The following CIT variants were observed in gnomAD, a reference collection of about 807,000 sequenced individuals.
The protein encoded by CIT is citron Rho-interacting kinase.
Under a neutral mutation model 272.7 loss-of-function variants are expected in CIT, and 79 were observed. The ratio of observed to expected loss-of-function variants is 0.29; its 90% CI spans 0.24 to 0.35. CIT has a LOEUF of 0.35. CIT is among the 10% of genes least tolerant of loss of function. The pLI is 1.00. For missense variants in CIT, 1,909 were observed against 2,618.3 expected (o/e 0.73, Z 5.91); for synonymous variants, 948 against 995.6 (o/e 0.95, Z 0.90).
chr12:119,842,688 G>A (rs1261134828), intron 5 of CIT, among the ~76,000 whole-genome samples: 1 of 152,082 alleles, frequency 6.6e-6, no homozygotes, highest in Non-Finnish European at 1.5e-5. Context: ...CCACAAATGG[G>A]AAATTTTTAA....
intron 10 of CIT, among the ~76,000 whole-genome samples, chr12:119,795,986 T>G (rs1431532677): frequency 3.9e-5 from 6 of 152,236 alleles, no homozygotes; most frequent in African/African-American, 1.4e-4. Flanking sequence ...TCAACAAATG[T>G]TCATTGAAGA....
At chr12:119,782,780 G>T in intron 12 of CIT, 143 bp from the exon 13 acceptor site, 1 of 990,438 alleles carries the variant, frequency 1.0e-6, no homozygotes, top group Non-Finnish European at 1.4e-6. Flanking sequence ...CCAGTTGGTT[G>T]CCGACTCCGG....
At chr12:119,740,944 T>A (rs1167183483) in intron 24 of CIT, among the ~76,000 whole-genome samples, 1 of 151,978 alleles carries the variant, frequency 6.6e-6, no homozygotes, top group Non-Finnish European at 1.5e-5. Context: ...GTCAGTTCCC[T>A]ACTAAAGTCA....
In CIT at chr12:119,767,186, G is replaced by C. The variant is rs1195207477; in HGVS notation, c.2209-4C>G. The C allele has an allele frequency of 1.9e-6, 3 of 1,604,622 alleles. No individual in the cohort carries two copies. The African/African-American group carries it at 4.0e-5, about 21-fold the overall frequency. On this transcript the variant is annotated splice_region_variant and splice_polypyrimidine_tract_variant and intron_variant, in intron 18 of 47. Transcript: ENST00000392521. ...CCCGATGTTTCTCTTCGAGCTCCTA[G>C]ACACAAAAGAAAAGACAGTCAGGTG...
At chr12:119,844,896 G>A (rs567958878) in intron 5 of CIT, among the ~76,000 whole-genome samples, 213 of 152,154 alleles carry the variant, frequency 1.4e-3, no homozygotes, top group African/African-American at 4.8e-3. Context: ...TGAAGCAGGC[G>A]GATCATGAGG....
intron 7 of CIT, among the ~76,000 whole-genome samples, chr12:119,825,792 G>A (rs1457007684): frequency 1.3e-5 from 2 of 152,240 alleles, no homozygotes; most frequent in African/African-American, 2.4e-5. Context: ...AGTTGGCCAG[G>A]TGCAGTGGCC....
At position 119,847,088 on chromosome 12, in the gene CIT, C is replaced by T. The variant is rs148255189; in HGVS notation, c.516+3086G>A. Among the ~76,000 whole-genome samples the T allele has an allele frequency of 6.0e-3, 911 of 152,040 alleles. 10 individuals carry two copies. The highest frequency in any genetic ancestry group is 0.02 in the African/African-American group (844 of 41,502). On this transcript the variant is annotated intron_variant, in intron 5 of 47. Coordinates refer to ENST00000392521, the MANE Select transcript of CIT (RefSeq NM_001206999.2). ...CAAGCTCCGCCTCCCAGGTTCACAC[C>T]GTTCTCCTCCCTCAGCCTCCCGAGT...
chr12:119,735,002 T>C (rs1958674769), intron 25 of CIT, among the ~76,000 whole-genome samples, 158 bp downstream of exon 25: 1 of 152,104 alleles, frequency 6.6e-6, no homozygotes, highest in South Asian at 2.1e-4. Flanking sequence ...AAATACATTT[T>C]TAAAACCCTA....
chr12:119,721,268 T>C (rs1565940188), intron 29 of CIT, 41 bp downstream of exon 29: 2 of 1,568,750 alleles, frequency 1.3e-6, no homozygotes, highest in Non-Finnish European at 8.7e-7. Flanking sequence ...CGCCCAGCCG[T>C]GCAGACCATT....
At chr12:119,744,449 G>T (rs778147334) in intron 23 of CIT, among the ~76,000 whole-genome samples, 6 of 151,376 alleles carry the variant, frequency 4.0e-5, no homozygotes, top group Non-Finnish European at 8.8e-5. Flanking sequence ...GAGGCCAGGC[G>T]CAGTGGCTCA....
chr12:119,737,624 G>T (rs1185624300), intron 24 of CIT, among the ~76,000 whole-genome samples: 1 of 152,092 alleles, frequency 6.6e-6, no homozygotes, highest in African/African-American at 2.4e-5. Context: ...GGAATAAGAA[G>T]GGTCTTTCTA....
intron 33 of CIT, 144 bp downstream of exon 33, chr12:119,714,053 A>G: frequency 1.1e-6 from 1 of 930,476 alleles, no homozygotes; most frequent in Non-Finnish European, 1.6e-6. Flanking sequence ...CAACAGGGGA[A>G]AAATAGCATC....
intron 24 of CIT, among the ~76,000 whole-genome samples, chr12:119,736,730 C>A (rs1958783206): frequency 6.6e-6 from 1 of 152,196 alleles, no homozygotes; most frequent in Non-Finnish European, 1.5e-5. Context: ...CCTGCCTTTC[C>A]CTTTCTGTGG....
chr12:119,731,330 G>C (rs1294257909), intron 26 of CIT, among the ~76,000 whole-genome samples: 1 of 151,450 alleles, frequency 6.6e-6, no homozygotes. Flanking sequence ...CAAAAAATTA[G>C]CCAGGCATAG....
chr12:119,790,100 C>T (rs1391033862), intron 10 of CIT, among the ~76,000 whole-genome samples: 1 of 152,076 alleles, frequency 6.6e-6, no homozygotes, highest in Non-Finnish European at 1.5e-5. Context: ...ATTATGCTAA[C>T]ATTGACCATA....
intron 23 of CIT, among the ~76,000 whole-genome samples, chr12:119,744,483 G>A (rs1000948361): frequency 1.3e-5 from 2 of 151,790 alleles, no homozygotes; most frequent in African/African-American, 4.8e-5. Context: ...AGCACTTTGG[G>A]AAGCCGAGGC....
chr12:119,817,160 T>C (rs1967263019), intron 9 of CIT, among the ~76,000 whole-genome samples: 1 of 152,206 alleles, frequency 6.6e-6, no homozygotes, highest in Non-Finnish European at 1.5e-5. Context: ...AGCAGGATGC[T>C]GTATGTGGGG....
intron 10 of CIT, among the ~76,000 whole-genome samples, chr12:119,789,134 G>A (rs1164048345): frequency 6.6e-6 from 1 of 152,196 alleles, no homozygotes; most frequent in Non-Finnish European, 1.5e-5. Context: ...AATTAAATCA[G>A]AGAGTCAGAA....
At position 119,767,550 on chromosome 12, in the gene CIT, T is replaced by A. The variant is rs114723163; in HGVS notation, c.2209-368A>T. Among the ~76,000 whole-genome samples, 897 of 152,342 alleles carry A rather than the reference T, an allele frequency of 5.9e-3. 7 individuals are homozygous for A. Among genetic ancestry groups the A allele is most frequent in the African/African-American group, 0.02 (834 of 41,576 alleles). On this transcript the variant is annotated intron_variant, in intron 18 of 47. Transcript: ENST00000392521. ...CCTGACCACTATCTTGAGCCTTAAA[T>A]GAGAAAAGTCATTTTAATATATGAT... is the stretch of plus-strand genomic sequence containing the variant.
Sources: gnomAD v4.1 joint callset for allele counts (sites outside exome capture counted in the v4.1 genomes callset) on GRCh38, gnomAD v4.1.1 for gene constraint, MANE v1.5 for transcripts, NCBI Gene and HGNC (gene_info 2026-07-23, HGNC 2026-07-21) for gene names.